OLAH: variants seen among roughly 807,000 people sequenced by gnomAD.
The protein encoded by OLAH is oleoyl-ACP hydrolase.
OLAH carries 33 observed loss-of-function variants against 27.8 expected under a neutral mutation model. That is an observed-to-expected ratio of 1.19 (90% CI 0.90 to 1.59). The LOEUF (loss-of-function observed/expected upper bound fraction) is 1.59, where lower values mean the gene tolerates loss of function less well. OLAH is among the 40% of genes most tolerant of loss of function. The probability of loss-of-function intolerance (pLI) is 0.00; values close to 1 mark genes in which losing one functional copy is unlikely to be tolerated. For synonymous variants in OLAH, 120 were observed against 102.9 expected (o/e 1.17, Z -1.01); for missense variants, 359 against 310.8 (o/e 1.16, Z -1.17).
intron 1 of OLAH, among the ~76,000 whole-genome samples, chr10:15,038,279 A>G (rs1227769416): frequency 1.3e-5 from 2 of 152,204 alleles, no homozygotes; most frequent in Non-Finnish European, 2.9e-5. Flanking sequence ...CTTGTCTCAG[A>G]TAAGATGTTG....
chr10:15,057,844 T>C (rs1844277234), intron 3 of OLAH, among the ~76,000 whole-genome samples: 1 of 152,026 alleles, frequency 6.6e-6, no homozygotes. Context: ...TGTAGGTCTA[T>C]TTCTGGATTC....
chr10:15,072,605 G>T (rs1255105461), intron 7 of OLAH, among the ~76,000 whole-genome samples: 1 of 152,098 alleles, frequency 6.6e-6, no homozygotes, highest in Non-Finnish European at 1.5e-5. Flanking sequence ...GTTTTAGGGT[G>T]AGGGGCTTAT....
At chr10:15,051,518 C>A (rs1469842934) in intron 3 of OLAH, among the ~76,000 whole-genome samples, 1 of 152,186 alleles carries the variant, frequency 6.6e-6, no homozygotes, top group Non-Finnish European at 1.5e-5. Flanking sequence ...ATCTGTCCAA[C>A]CTGTCGACAT....
At chr10:15,051,576 C>G (rs1416540511) in intron 3 of OLAH, among the ~76,000 whole-genome samples, 2 of 152,296 alleles carry the variant, frequency 1.3e-5, no homozygotes, top group African/African-American at 4.8e-5. Context: ...CCTCTTCTGA[C>G]AGTATCCTTA....
chr10:15,052,849 C>T (rs1844173266), intron 3 of OLAH, among the ~76,000 whole-genome samples: 2 of 150,696 alleles, frequency 1.3e-5, no homozygotes, highest in African/African-American at 4.9e-5. Flanking sequence ...TTCAAGTGAT[C>T]CTCCTGCCTC....
At chr10:15,072,352 G>T (rs986519446) in intron 7 of OLAH, among the ~76,000 whole-genome samples, 1 of 152,132 alleles carries the variant, frequency 6.6e-6, no homozygotes, top group African/African-American at 2.4e-5. Flanking sequence ...ATTAGTTGAA[G>T]TTGTATTTAG....
At chr10:15,042,559 C>A (rs143686677), upstream of OLAH, among the ~76,000 whole-genome samples, 418 of 152,316 alleles carry the variant, frequency 2.7e-3, 1 homozygote, top group Middle Eastern at 0.014. Flanking sequence ...TTATACTCTT[C>A]TAGTCATTTT....
At chr10:15,062,342 G>A (rs1844384429) in intron 4 of OLAH, among the ~76,000 whole-genome samples, 1 of 151,966 alleles carries the variant, frequency 6.6e-6, no homozygotes, top group Non-Finnish European at 1.5e-5. Context: ...TTGGTATATA[G>A]TAAGGAATCA....
chr10:15,037,955 C>T (rs958723749), intron 1 of OLAH, among the ~76,000 whole-genome samples: 5 of 152,246 alleles, frequency 3.3e-5, no homozygotes, highest in African/African-American at 1.2e-4. Context: ...AACCCTGCTC[C>T]AGCCCTCAGG....
At chr10:15,051,000 A>T (rs142352065) in intron 3 of OLAH, among the ~76,000 whole-genome samples, 7 of 151,528 alleles carry the variant, frequency 4.6e-5, no homozygotes, top group Non-Finnish European at 8.8e-5. Context: ...TCAGATTTAC[A>T]ATATGCACTT....
chr10:15,040,016 C>G (rs942631064), upstream of OLAH, among the ~76,000 whole-genome samples: 2 of 152,180 alleles, frequency 1.3e-5, no homozygotes, highest in African/African-American at 4.8e-5. Flanking sequence ...CCTCCTAAGT[C>G]TCAGACTTTG....
At chr10:15,040,450 A>T (rs112052735), upstream of OLAH, among the ~76,000 whole-genome samples, 1 of 151,978 alleles carries the variant, frequency 6.6e-6, no homozygotes, top group Non-Finnish European at 1.5e-5. Flanking sequence ...TTCCAACTTT[A>T]TCCTAATCAC....
intron 2 of OLAH, among the ~76,000 whole-genome samples, chr10:15,048,740 C>T (rs1246244433): frequency 1.3e-5 from 2 of 152,074 alleles, no homozygotes. Context: ...ATATAAAATG[C>T]ACTTACTGAA....
chr10:15,057,647 A>T (rs1189586021), intron 3 of OLAH, among the ~76,000 whole-genome samples: 1 of 151,936 alleles, frequency 6.6e-6, no homozygotes, highest in African/African-American at 2.4e-5. Flanking sequence ...CGGCCTCCCA[A>T]AGTGCTGGAA....
chr10:15,067,406 G>T (rs915063130), intron 6 of OLAH, among the ~76,000 whole-genome samples: 4 of 152,050 alleles, frequency 2.6e-5, no homozygotes, highest in Non-Finnish European at 2.9e-5. Context: ...TCAAGGTGTT[G>T]TGTGAGAATT....
chr10:15,065,498 CT>C (rs1564534183), intron 5 of OLAH, 85 bp from the exon 6 acceptor site: 1 of 1,411,936 alleles, frequency 7.1e-7, no homozygotes, highest in African/African-American at 1.4e-5. Flanking sequence ...GGTTTAATGA[CT>C]TTTCCCTTAG....
chr10:15,047,111 C>T lies in OLAH; in HGVS notation c.-163-15C>T, dbSNP rs1844033730. 3 of 494,476 alleles carry T rather than the reference C, an allele frequency of 6.1e-6. No individual in the cohort carries two copies. The highest frequency in any genetic ancestry group is 3.6e-6 in the Non-Finnish European group (1 of 280,928). The allele number at this position is 494,476 out of a possible 1,614,324, so 30.6% of individuals were successfully genotyped here. A position where few individuals can be genotyped will look rare whatever the true frequency, so the allele number is the denominator to read the frequency against. ...TTCTCCTTCCTTTTCCTCTGACCTT[C>T]TTTATTTTTAACAGGGATTGGAGAG... On this transcript the variant is annotated splice_polypyrimidine_tract_variant and intron_variant, in intron 1 of 7. Transcript: ENST00000378228.
At chr10:15,057,538 A>G (rs1844271170) in intron 3 of OLAH, among the ~76,000 whole-genome samples, 1 of 151,930 alleles carries the variant, frequency 6.6e-6, no homozygotes, top group Non-Finnish European at 1.5e-5. Flanking sequence ...GGCATGAGCC[A>G]CTATGCCTGG....
intron 2 of OLAH, 79 bp downstream of exon 2, chr10:15,047,399 T>G (rs1844041576): frequency 2.8e-6 from 4 of 1,423,054 alleles, no homozygotes; most frequent in Non-Finnish European, 2.9e-6. Flanking sequence ...GCTCCCTTTT[T>G]AGTTTGAAAG....
Sources: allele counts gnomAD v4.1 joint callset (sites outside exome capture counted in the v4.1 genomes callset), GRCh38; gene constraint gnomAD v4.1.1; transcripts MANE v1.5; gene names NCBI Gene and HGNC (gene_info 2026-07-23, HGNC 2026-07-21).